Variants in MACROD2 observed in about 807,000 individuals in gnomAD.
MACROD2 encodes the protein mono-ADP ribosylhydrolase 2, also known as ADP-ribose glycohydrolase MACROD2.
MACROD2 carries 36 observed loss-of-function variants against 70.4 expected under a neutral mutation model. The observed-to-expected ratio is 0.51, with a 90% CI of 0.39 to 0.68. MACROD2 has a LOEUF of 0.68. Among genes scored for constraint, MACROD2 ranks in the 30% least tolerant of loss-of-function variants. MACROD2 has a pLI of 0.00. For missense variants in MACROD2, 496 were observed against 538.4 expected (o/e 0.92, Z 0.78); for synonymous variants, 172 against 178.8 (o/e 0.96, Z 0.30).
chr20:15,385,360 T>A (rs2045698733), intron 6 of MACROD2, among the ~76,000 whole-genome samples: 1 of 152,164 alleles, frequency 6.6e-6, no homozygotes, highest in Non-Finnish European at 1.5e-5. Flanking sequence ...ATATATCCAT[T>A]TGTCTTTAGC....
intron 15 of MACROD2, among the ~76,000 whole-genome samples, chr20:16,005,074 A>G (rs1463203484): frequency 1.3e-5 from 2 of 152,202 alleles, no homozygotes. Flanking sequence ...GAAGATAAAA[A>G]TTCCCCATCA....
chr20:15,718,487 T>A (rs1406239045), intron 8 of MACROD2, among the ~76,000 whole-genome samples: 1 of 152,156 alleles, frequency 6.6e-6, no homozygotes, highest in African/African-American at 2.4e-5. Context: ...CAGGAATAGG[T>A]AGTATTTGTT....
At chr20:15,657,814 G>A (rs1361907064) in intron 8 of MACROD2, among the ~76,000 whole-genome samples, 57 of 152,122 alleles carry the variant, frequency 3.7e-4, no homozygotes, top group Non-Finnish European at 2.9e-5. Flanking sequence ...CCAACATGGT[G>A]AAACCCCATG....
intron 3 of MACROD2, among the ~76,000 whole-genome samples, chr20:14,272,914 T>A (rs2082210347): frequency 6.6e-6 from 1 of 151,740 alleles, no homozygotes; most frequent in African/African-American, 2.4e-5. Context: ...TACATAATGG[T>A]AAAGGGATCA....
chr20:16,016,291 T>C (rs2066927382), intron 15 of MACROD2, among the ~76,000 whole-genome samples: 2 of 152,216 alleles, frequency 1.3e-5, no homozygotes, highest in African/African-American at 4.8e-5. Flanking sequence ...CCAAATCTTG[T>C]CAGTGTTGGA....
At chr20:14,331,216 A>G (rs145442186) in intron 3 of MACROD2, among the ~76,000 whole-genome samples, 14 of 152,180 alleles carry the variant, frequency 9.2e-5, no homozygotes, top group Admixed American at 1.3e-4. Flanking sequence ...CATAAAATAA[A>G]TGTCTTTTAT....
intron 5 of MACROD2, among the ~76,000 whole-genome samples, chr20:14,951,582 G>A (rs1248234905): frequency 6.6e-6 from 1 of 152,110 alleles, no homozygotes; most frequent in African/African-American, 2.4e-5. Context: ...AGCTTTGGAG[G>A]CACTGCTGTA....
rs1337277319 is a variant in MACROD2 at position 16,052,114 on chromosome 20, G to T, written c.*2238G>T. The T allele has an allele frequency of 1.3e-5, 2 of 152,174 alleles. No homozygotes were observed. The highest frequency in any genetic ancestry group is 4.8e-5 in the African/African-American group (2 of 41,422). The allele number at this position is 152,174 out of a possible 1,614,324, so 9.4% of individuals were successfully genotyped here. ...AATGAGGAATAAATATCTTCAGCCC[G>T]ACTCCTGAATTTGTTTATTCTTCCA... On this transcript the variant is annotated 3_prime_UTR_variant, in exon 18 of 18. Coordinates refer to ENST00000684519, the MANE Select transcript of MACROD2 (RefSeq NM_001351661.2).
chr20:14,033,628 A>G (rs980654873), intron 2 of MACROD2, among the ~76,000 whole-genome samples: 4 of 152,264 alleles, frequency 2.6e-5, no homozygotes, highest in Non-Finnish European at 4.4e-5. Flanking sequence ...ACATGGAGAA[A>G]GAATCAAACA....
intron 6 of MACROD2, among the ~76,000 whole-genome samples, chr20:15,374,208 A>T (rs2045530798): frequency 6.6e-6 from 1 of 151,940 alleles, no homozygotes; most frequent in South Asian, 2.1e-4. Context: ...ATACGCACAT[A>T]CACACATATA....
intron 3 of MACROD2, among the ~76,000 whole-genome samples, chr20:14,215,142 ATT>A (rs556044068): frequency 0.014 from 2,024 of 143,712 alleles, 27 homozygotes; most frequent in South Asian, 0.036. Context: ...ATATATATAT[ATT>A]CCATCATATA....
intron 4 of MACROD2, among the ~76,000 whole-genome samples, chr20:14,579,509 TA>T (rs1296380683): frequency 2.0e-5 from 3 of 152,208 alleles, no homozygotes; most frequent in African/African-American, 7.2e-5. Context: ...AGATTGAAAA[TA>T]AATGTTTAAT....
intron 3 of MACROD2, among the ~76,000 whole-genome samples, chr20:14,388,410 T>G (rs2083490895): frequency 6.6e-6 from 1 of 152,198 alleles, no homozygotes; most frequent in Non-Finnish European, 1.5e-5. Flanking sequence ...AGTCAAAAAT[T>G]CATATATGAC....
intron 8 of MACROD2, among the ~76,000 whole-genome samples, chr20:15,637,703 C>T (rs1262039165): frequency 1.3e-5 from 2 of 152,262 alleles, no homozygotes; most frequent in Non-Finnish European, 2.9e-5. Context: ...TCTGTGTCCC[C>T]GATCTTTACA....
chr20:14,067,429 T>C (rs1301600273), intron 2 of MACROD2, among the ~76,000 whole-genome samples: 1 of 152,078 alleles, frequency 6.6e-6, no homozygotes, highest in Non-Finnish European at 1.5e-5. Flanking sequence ...CATAAAAAGG[T>C]TTGTGTTTTG....
In MACROD2 at chr20:15,371,516, G is replaced by A. The variant is rs571142050; in HGVS notation, c.541-59889G>A. Among the ~76,000 whole-genome samples, 7 of 152,290 alleles carry A rather than the reference G, an allele frequency of 4.6e-5. No individual in the cohort carries two copies. In the South Asian group the frequency reaches 1.2e-3, roughly 27 times the overall value. ...TGGTGGTGAGTAAAGACCACCAACA[G>A]TGCTATAGTAAAAGGAACTGATAGA... is the stretch of plus-strand genomic sequence containing the variant. On this transcript the variant is annotated intron_variant, in intron 6 of 17. Transcript: ENST00000684519.
At chr20:15,494,736 GGTGTGTGT>G (rs550716316) in intron 7 of MACROD2, among the ~76,000 whole-genome samples, 58 of 110,218 alleles carry the variant, frequency 5.3e-4, no homozygotes, top group South Asian at 1.1e-3. Flanking sequence ...TGCATAATGG[GGTGTGTGT>G]GTGTGTGTGT....
intron 8 of MACROD2, among the ~76,000 whole-genome samples, chr20:15,558,361 A>T (rs948391331): frequency 1.3e-5 from 2 of 152,250 alleles, no homozygotes; most frequent in Admixed American, 1.3e-4. Flanking sequence ...TCCCTCCTGC[A>T]CTGAAATCCT....
At chr20:14,925,768 A>C (rs534932586) in intron 5 of MACROD2, among the ~76,000 whole-genome samples, 2 of 152,314 alleles carry the variant, frequency 1.3e-5, no homozygotes, top group South Asian at 4.1e-4. Context: ...TTTATTGTAC[A>C]ACAGTATTTG....
Sources: gnomAD v4.1 joint callset for allele counts (sites outside exome capture counted in the v4.1 genomes callset) on GRCh38, gnomAD v4.1.1 for gene constraint, MANE v1.5 for transcripts, NCBI Gene and HGNC (gene_info 2026-07-23, HGNC 2026-07-21) for gene names.